ALDH1A2: variants seen among roughly 807,000 people sequenced by gnomAD.
The protein encoded by ALDH1A2 is aldehyde dehydrogenase 1 family member A2, also known as retinal dehydrogenase 2.
In ALDH1A2, 27 loss-of-function variants were observed where a neutral mutation model predicts 60.3. The ratio of observed to expected loss-of-function variants is 0.45; its 90% CI spans 0.33 to 0.62. The LOEUF (loss-of-function observed/expected upper bound fraction) is 0.62. Among genes scored for constraint, ALDH1A2 ranks in the 20% least tolerant of loss-of-function variants. The probability of loss-of-function intolerance (pLI) is 0.02; values close to 1 mark genes in which losing one functional copy is unlikely to be tolerated. For missense variants in ALDH1A2, 581 were observed against 643.8 expected (o/e 0.90, Z 1.06); for synonymous variants, 289 against 232.4 (o/e 1.24, Z -2.21).
rs867608643 is a variant in ALDH1A2 at position 57,994,099 on chromosome 15, G to A, written c.555+979C>T. Among the ~76,000 whole-genome samples, 94 of 152,334 alleles carry A rather than the reference G, an allele frequency of 6.2e-4. 1 individual carries two copies. The highest frequency in any genetic ancestry group is 2.1e-3 in the African/African-American group (88 of 41,574). On this transcript the variant is annotated intron_variant, in intron 5 of 12. Transcript: ENST00000249750. ...CTTGTCCTGTCAGTGAAGCTGCAGC[G>A]TTGAGAGTCTGGGCAAGGGCAAGAA...
chr15:58,035,950 G>C (rs1344828188), intron 1 of ALDH1A2, among the ~76,000 whole-genome samples: 1 of 151,516 alleles, frequency 6.6e-6, no homozygotes, highest in Non-Finnish European at 1.5e-5. Flanking sequence ...AGTAAACCCA[G>C]CTTTTGCATT....
chr15:57,974,387 C>T (rs1482011224), intron 7 of ALDH1A2, among the ~76,000 whole-genome samples: 2 of 147,094 alleles, frequency 1.4e-5, no homozygotes, highest in Admixed American at 6.9e-5. Context: ...GAGCCAAGAT[C>T]GCGCCACTGC....
At chr15:58,047,399 A>C (rs1454085162) in intron 1 of ALDH1A2, among the ~76,000 whole-genome samples, 4 of 151,984 alleles carry the variant, frequency 2.6e-5, no homozygotes, top group African/African-American at 9.7e-5. Flanking sequence ...TTATATGAAA[A>C]AGTTTAGTTA....
chr15:58,019,642 T>C (rs187457299), intron 1 of ALDH1A2, among the ~76,000 whole-genome samples: 100 of 152,210 alleles, frequency 6.6e-4, no homozygotes, highest in African/African-American at 2.1e-3. Flanking sequence ...TTCTCAGAGG[T>C]TGGAGGGATT....
At chr15:57,963,625 G>A (rs912416629) in intron 9 of ALDH1A2, among the ~76,000 whole-genome samples, 2 of 152,116 alleles carry the variant, frequency 1.3e-5, no homozygotes, top group Admixed American at 1.3e-4. Flanking sequence ...TTACAGGCGT[G>A]AGCCACTGCG....
At chr15:58,058,848 C>A (rs536098526) in intron 1 of ALDH1A2, among the ~76,000 whole-genome samples, 2 of 152,220 alleles carry the variant, frequency 1.3e-5, no homozygotes, top group Admixed American at 1.3e-4. Context: ...TTAGAAAGTT[C>A]ACACGCAGAC....
At chr15:57,978,163 T>A (rs974904851) in intron 7 of ALDH1A2, among the ~76,000 whole-genome samples, 1 of 152,180 alleles carries the variant, frequency 6.6e-6, no homozygotes, top group Non-Finnish European at 1.5e-5. Context: ...CTTCCTCTCT[T>A]CCTAATTGAA....
At chr15:58,013,752 AAAAAATAAAATAAAT>A (rs1247791811) in intron 3 of ALDH1A2, 91 bp downstream of exon 3, 1 of 1,452,998 alleles carries the variant, frequency 6.9e-7, no homozygotes, top group African/African-American at 1.4e-5. Context: ...ACTCCGTCTC[AAAAAATAAAATAAAT>A]AAAAATAAAA....
At chr15:58,021,803 A>C (rs1166607242) in intron 1 of ALDH1A2, among the ~76,000 whole-genome samples, 5 of 152,260 alleles carry the variant, frequency 3.3e-5, no homozygotes, top group Non-Finnish European at 7.3e-5. Context: ...CCAGTGAGAC[A>C]TGAGCTGAAG....
intron 3 of ALDH1A2, among the ~76,000 whole-genome samples, chr15:58,012,615 T>C (rs550700208): frequency 3.9e-5 from 6 of 152,324 alleles, no homozygotes; most frequent in African/African-American, 1.2e-4. Flanking sequence ...AAACACCTCA[T>C]TGGAAGAGTA....
intron 12 of ALDH1A2, among the ~76,000 whole-genome samples, chr15:57,957,159 T>TG (rs1566926822): frequency 6.6e-6 from 1 of 152,136 alleles, no homozygotes; most frequent in African/African-American, 2.4e-5. Context: ...GCACTGAAGC[T>TG]GGGGTCAGAG....
At chr15:58,015,466 A>C (rs771940781) in intron 1 of ALDH1A2, among the ~76,000 whole-genome samples, 2 of 152,244 alleles carry the variant, frequency 1.3e-5, no homozygotes, top group Non-Finnish European at 2.9e-5. Flanking sequence ...TAGAGCACTT[A>C]ACACAGCTGT....
In ALDH1A2 at chr15:58,010,784, G is replaced by A. The variant is rs1895610442; in HGVS notation, c.364-6C>T. On this transcript the variant is annotated splice_region_variant and splice_polypyrimidine_tract_variant and intron_variant, in intron 3 of 12. Transcript: ENST00000249750. ...CCATTTAGGGATTCCATGGTCTGTT[G>A]GAAGAGAAATGGAGAGATACTAAGT... The A allele has an allele frequency of 6.2e-7, 1 of 1,612,876 alleles. No homozygotes were observed.
At chr15:58,028,747 C>T (rs1468435636) in intron 1 of ALDH1A2, among the ~76,000 whole-genome samples, 2 of 152,028 alleles carry the variant, frequency 1.3e-5, no homozygotes, top group African/African-American at 4.8e-5. Flanking sequence ...GCAGGGGTTG[C>T]AATCCCAGTC....
At chr15:58,029,615 C>T (rs1896177225) in intron 1 of ALDH1A2, among the ~76,000 whole-genome samples, 1 of 149,876 alleles carries the variant, frequency 6.7e-6, no homozygotes, top group African/African-American at 2.5e-5. Context: ...AATCCAGGAG[C>T]TGGTTTTTTG....
rs1397003214 is a variant in ALDH1A2 at position 57,953,797 on chromosome 15, T to C, written c.*1400A>G. The C allele has an allele frequency of 1.3e-5, 2 of 152,264 alleles. No individual in the cohort carries two copies. Among genetic ancestry groups the C allele is most frequent in the Non-Finnish European group, 2.9e-5 (2 of 68,040 alleles). 9.4% of individuals were successfully genotyped at this position (152,264 alleles called of 1,614,324 possible). A position where few individuals can be genotyped will look rare whatever the true frequency, so the allele number is the denominator to read the frequency against. ...TTGCCCATATTCCACATACTCTGGG[T>C]TATGTTTGGTACTTTTAAATAAATG... On this transcript the variant is annotated 3_prime_UTR_variant, in exon 13 of 13. Transcript: ENST00000249750.
rs2140450294 is a variant in ALDH1A2, at chr15:57,962,103, C to T, written c.1160G>A (p.Cys387Tyr). 1 of 1,614,214 alleles carries T rather than the reference C, an allele frequency of 6.2e-7. No individual in the cohort carries two copies. Among genetic ancestry groups the T allele is most frequent in the Non-Finnish European group, 8.5e-7 (1 of 1,180,024 alleles). ...SGVAEGAKLE[C>Y]GGKGLGRKGF... Reference sequence around the variant, plus strand: ...CTTTCGGCCCAGTCCTTTGCCTCCACATTCCAGCTTGGCGCCCTCAGCCAC... The same window carrying T: ...CTTTCGGCCCAGTCCTTTGCCTCCATATTCCAGCTTGGCGCCCTCAGCCAC... The change falls in exon 10 of 13, where the codon TGT becomes TAT. Residue 387 changes from cysteine (C) to tyrosine (Y), a missense_variant. Cys to Tyr is a radical substitution (Grantham distance 194). Coordinates refer to ENST00000249750, the MANE Select transcript of ALDH1A2 (RefSeq NM_003888.4).
chr15:57,991,714 TATTAAC>T (rs1316204708), intron 7 of ALDH1A2: 1 of 152,250 alleles, frequency 6.6e-6, no homozygotes, highest in Non-Finnish European at 1.5e-5. Context: ...GGATTAAAGT[TATTAAC>T]ATTAATTTCA....
chr15:58,009,020 A>C lies in ALDH1A2; in HGVS notation c.493+1629T>G, dbSNP rs567566930. Among the ~76,000 whole-genome samples, 5 of 152,266 alleles carry C rather than the reference A, an allele frequency of 3.3e-5. No individual in the cohort carries two copies. In the South Asian group the frequency reaches 1.0e-3, roughly 32 times the overall value. ...CCTTCTCAGTCAGTTGAACAAGGGAAAAACCTCTAGATGGAAGGGAAGAGC... is the reference window on the plus strand; with the variant it reads ...CCTTCTCAGTCAGTTGAACAAGGGACAAACCTCTAGATGGAAGGGAAGAGC... On this transcript the variant is annotated intron_variant, in intron 4 of 12. Transcript: ENST00000249750.
Sources: gnomAD v4.1 joint callset for allele counts (sites outside exome capture counted in the v4.1 genomes callset) on GRCh38, gnomAD v4.1.1 for gene constraint, MANE v1.5 for transcripts, NCBI Gene and HGNC (gene_info 2026-07-23, HGNC 2026-07-21) for gene names.